RTN4: variants seen among roughly 807,000 people sequenced by gnomAD.
The protein encoded by RTN4 is reticulon-4.
Under a neutral mutation model 90.4 loss-of-function variants are expected in RTN4, and 32 were observed. The observed-to-expected ratio is 0.35, with a 90% CI of 0.27 to 0.48. RTN4 has a LOEUF of 0.48. Ranked by LOEUF, RTN4 falls within the 20% of genes least tolerant of loss-of-function variation. The probability of loss-of-function intolerance (pLI) is 0.99; values close to 1 mark genes in which losing one functional copy is unlikely to be tolerated. For missense variants in RTN4, 1,706 were observed against 1,430.2 expected (o/e 1.19, Z -3.11); for synonymous variants, 629 against 552.5 (o/e 1.14, Z -1.94).
chr2:55,110,622 G>A (rs572932638), intron 1 of RTN4, among the ~76,000 whole-genome samples: 46 of 152,192 alleles, frequency 3.0e-4, no homozygotes, highest in African/African-American at 8.9e-4. Context: ...ATCTGAGGGC[G>A]CATATACGTC....
chr2:55,125,785 G>A, the RTN4 span, among the ~76,000 whole-genome samples: 1 of 152,072 alleles, frequency 6.6e-6, no homozygotes, highest in South Asian at 2.1e-4. Flanking sequence ...AAAAAAGCCA[G>A]GCACGGTGGT....
chr2:55,086,097 C>T (rs887929551), intron 1 of RTN4, among the ~76,000 whole-genome samples: 1 of 152,146 alleles, frequency 6.6e-6, no homozygotes, highest in African/African-American at 2.4e-5. Flanking sequence ...AGAAGTAACA[C>T]AGGTCCTCAA....
intron 1 of RTN4, among the ~76,000 whole-genome samples, chr2:55,105,706 C>T (rs1045554593): frequency 2.0e-5 from 3 of 151,990 alleles, no homozygotes; most frequent in African/African-American, 7.3e-5. Context: ...TGTGGTGGCT[C>T]ATGCCTAATC....
chr2:55,004,464 G>T (rs948276682), intron 3 of RTN4, among the ~76,000 whole-genome samples: 1 of 151,984 alleles, frequency 6.6e-6, no homozygotes, highest in African/African-American at 2.4e-5. Flanking sequence ...CAGGAAAGTT[G>T]GAATAAATGA....
At chr2:55,010,311 C>T (rs200669169) in intron 3 of RTN4, 132 of 1,408,664 alleles carry the variant, frequency 9.4e-5, no homozygotes, top group Middle Eastern at 1.9e-4. Flanking sequence ...AACAGTCTGA[C>T]GCAGTGCAAT....
At chr2:54,997,339 C>A (rs142244036) in intron 3 of RTN4, among the ~76,000 whole-genome samples, 5 of 152,076 alleles carry the variant, frequency 3.3e-5, no homozygotes, top group African/African-American at 7.2e-5. Context: ...TGGCTATAAT[C>A]AAAAAGATGA....
At chr2:55,007,929 C>T (rs569585382) in intron 3 of RTN4, among the ~76,000 whole-genome samples, 2 of 152,138 alleles carry the variant, frequency 1.3e-5, no homozygotes, top group African/African-American at 4.8e-5. Context: ...AATCCCTAGG[C>T]CTACCCATTC....
intron 1 of RTN4, among the ~76,000 whole-genome samples, chr2:55,110,798 T>C (rs1668024656): frequency 6.6e-6 from 1 of 152,222 alleles, no homozygotes; most frequent in African/African-American, 2.4e-5. Flanking sequence ...CCCAGCACTT[T>C]GGGAGGCCAA....
At chr2:54,993,129 A>G (rs1218898806) in intron 3 of RTN4, among the ~76,000 whole-genome samples, 1 of 152,012 alleles carries the variant, frequency 6.6e-6, no homozygotes, top group South Asian at 2.1e-4. Context: ...GAAGTCTGAA[A>G]GTATATCTAC....
chr2:55,093,384 C>A (rs907139642), intron 1 of RTN4, among the ~76,000 whole-genome samples: 1 of 127,162 alleles, frequency 7.9e-6, no homozygotes, highest in Non-Finnish European at 1.6e-5. Context: ...ATAATTTATT[C>A]TATATATATT....
At chr2:55,078,323 C>T (rs1340017933) in intron 2 of RTN4, among the ~76,000 whole-genome samples, 1 of 152,158 alleles carries the variant, frequency 6.6e-6, no homozygotes, top group Non-Finnish European at 1.5e-5. Context: ...ACTGCAGCCT[C>T]AACCTCCTGG....
At chr2:54,984,357 A>G (rs776186588) in intron 4 of RTN4, among the ~76,000 whole-genome samples, 1 of 152,232 alleles carries the variant, frequency 6.6e-6, no homozygotes, top group African/African-American at 2.4e-5. Context: ...GGTCTAACAC[A>G]CTGTTAGACA....
intron 1 of RTN4, among the ~76,000 whole-genome samples, chr2:55,108,157 G>T (rs1010428742): frequency 6.6e-6 from 1 of 152,070 alleles, no homozygotes; most frequent in Non-Finnish European, 1.5e-5. Flanking sequence ...GTTTTCCCAT[G>T]TTGGCCAGGC....
At chr2:54,992,126 C>A (rs1167515895) in intron 3 of RTN4, among the ~76,000 whole-genome samples, 1 of 152,058 alleles carries the variant, frequency 6.6e-6, no homozygotes, top group Non-Finnish European at 1.5e-5. Flanking sequence ...GAGTTTGAGA[C>A]CAGGCTGGGA....
chr2:55,082,310 A>AAG (rs1668736333), intron 1 of RTN4, among the ~76,000 whole-genome samples: 1 of 152,170 alleles, frequency 6.6e-6, no homozygotes, highest in Non-Finnish European at 1.5e-5. Context: ...ATTGTTTTGT[A>AAG]AGTACTCAGA....
chr2:55,096,966 T>C (rs1667743777), intron 1 of RTN4, among the ~76,000 whole-genome samples: 1 of 151,858 alleles, frequency 6.6e-6, no homozygotes, highest in Admixed American at 6.6e-5. Context: ...TATTTGGGCA[T>C]GTACAAATTT....
upstream of RTN4, among the ~76,000 whole-genome samples, chr2:55,116,569 G>T (rs11692696): frequency 0.61 from 92,364 of 152,024 alleles, 29,354 homozygotes; most frequent in African/African-American, 0.79. Flanking sequence ...GAATTATTAG[G>T]CAGATGCTAA....
intron 4 of RTN4, among the ~76,000 whole-genome samples, chr2:54,983,463 G>A (rs1678307885): frequency 6.6e-6 from 1 of 152,126 alleles, no homozygotes; most frequent in African/African-American, 2.4e-5. Flanking sequence ...ACTCAGAAGT[G>A]CTGAGTGTTC....
intron 5 of RTN4, among the ~76,000 whole-genome samples, chr2:54,982,144 C>T (rs542614444): frequency 1.7e-5 from 2 of 120,034 alleles, no homozygotes; most frequent in South Asian, 5.9e-4. Flanking sequence ...TTAGTAGAGA[C>T]GGGGTTTCTC....
Sources: gnomAD v4.1 joint callset for allele counts (sites outside exome capture counted in the v4.1 genomes callset) on GRCh38, gnomAD v4.1.1 for gene constraint, MANE v1.5 for transcripts, NCBI Gene and HGNC (gene_info 2026-07-23, HGNC 2026-07-21) for gene names.